PARP11: variants seen among roughly 807,000 people sequenced by gnomAD.
The protein encoded by PARP11 is protein mono-ADP-ribosyltransferase PARP11.
In PARP11, 31 loss-of-function variants were observed where a neutral mutation model predicts 42.9. The observed-to-expected ratio is 0.72, with a 90% CI of 0.54 to 0.98. The LOEUF is 0.98. Among genes scored for constraint, PARP11 ranks in the 50% least tolerant of loss-of-function variants. The probability of loss-of-function intolerance (pLI) is 0.00; values close to 1 mark genes in which losing one functional copy is unlikely to be tolerated. For missense variants in PARP11, 365 were observed against 413.1 expected, an observed-to-expected ratio of 0.88 and a Z score of 1.01; for synonymous variants, 137 against 127.3, an observed-to-expected ratio of 1.08 and a Z score of -0.51.
chr12:3,812,174 C>A lies in PARP11; in HGVS notation c.966G>T (p.Val322=). Reference sequence around the variant, plus strand: ...GATAGATTTGGTTGGCATCAAAAACCACAAAGATCTTTGGGTTCCAGGTAT... The same window carrying A: ...GATAGATTTGGTTGGCATCAAAAACAACAAAGATCTTTGGGTTCCAGGTAT... ...VDDTWNPKIF[V]VFDANQIYPE... The change falls in exon 8 of 8, where the codon GTG becomes GTT. Residue 322 remains valine, a synonymous_variant. Transcript: ENST00000228820. 6.2e-7 allele frequency: 1 copy of A among 1,613,782 alleles called. No homozygotes were observed. Among genetic ancestry groups the A allele is most frequent in the East Asian group, 2.2e-5 (1 of 44,836 alleles).
intron 1 of PARP11, among the ~76,000 whole-genome samples, chr12:3,860,134 G>A (rs1246781727): frequency 2.6e-5 from 4 of 152,156 alleles, no homozygotes; most frequent in Non-Finnish European, 5.9e-5. Flanking sequence ...TCTGTTCAGA[G>A]GACAACACTA....
intron 4 of PARP11, among the ~76,000 whole-genome samples, chr12:3,823,962 T>C (rs1346921916): frequency 1.3e-5 from 2 of 151,912 alleles, no homozygotes; most frequent in Non-Finnish European, 2.9e-5. Context: ...TCATCTGTCA[T>C]GTTACATGTC....
chr12:3,821,760 C>A, intron 6 of PARP11, 113 bp downstream of exon 6: 3 of 1,142,596 alleles, frequency 2.6e-6, no homozygotes, highest in South Asian at 1.4e-5. Flanking sequence ...CAAAATACGG[C>A]AAGAGAAAAA....
chr12:3,832,937 C>T (rs765729308), intron 1 of PARP11, among the ~76,000 whole-genome samples: 23 of 152,088 alleles, frequency 1.5e-4, no homozygotes, highest in Non-Finnish European at 3.2e-4. Context: ...AGAGCCTGTC[C>T]GTAATGTTAT....
At chr12:3,859,068 A>C (rs1296969213) in intron 1 of PARP11, among the ~76,000 whole-genome samples, 2 of 150,864 alleles carry the variant, frequency 1.3e-5, no homozygotes, top group African/African-American at 4.9e-5. Flanking sequence ...ATTGCACTCG[A>C]GCCTGGGCGA....
At chr12:3,830,707 A>G (rs568360638) in intron 1 of PARP11, among the ~76,000 whole-genome samples, 20 of 152,294 alleles carry the variant, frequency 1.3e-4, no homozygotes, top group African/African-American at 4.6e-4. Context: ...GACTACACAG[A>G]TGAAAATTCA....
chr12:3,817,008 G>A (rs1947302804), intron 6 of PARP11, among the ~76,000 whole-genome samples: 1 of 151,954 alleles, frequency 6.6e-6, no homozygotes, highest in Non-Finnish European at 1.5e-5. Flanking sequence ...TAGCTAACAT[G>A]GTGAAACCCT....
chr12:3,851,340 A>G (rs999244782), intron 1 of PARP11, among the ~76,000 whole-genome samples: 1 of 152,158 alleles, frequency 6.6e-6, no homozygotes, highest in Non-Finnish European at 1.5e-5. Context: ...GGATTGGGGG[A>G]TTTCCCTTTC....
At position 3,851,080 on chromosome 12, in the gene PARP11, A is replaced by C. The variant is rs542120893; in HGVS notation, c.19-21062T>G. ...TGATGAACTGAAAATTGAAAAGAAT[A>C]CTGAATACTCAACAGGCATGTTACA... On this transcript the variant is annotated intron_variant, in intron 1 of 7. Transcript: ENST00000228820. Among the ~76,000 whole-genome samples, 11 of 152,368 alleles carry C rather than the reference A, an allele frequency of 7.2e-5. No homozygotes were observed. The South Asian group carries it at 2.3e-3, about 32-fold the overall frequency.
At position 3,873,306 on chromosome 12, in the gene PARP11, T is replaced by G; in HGVS notation, c.-77A>C. 3 of 1,357,044 alleles carry G rather than the reference T, an allele frequency of 2.2e-6. No individual in the cohort carries two copies. In the Admixed American group the frequency reaches 6.1e-5, roughly 28 times the overall value. 84.1% of individuals were successfully genotyped at this position (1,357,044 alleles called of 1,614,324 possible). A position where few individuals can be genotyped will look rare whatever the true frequency, so the allele number is the denominator to read the frequency against. On this transcript the variant is annotated 5_prime_UTR_variant, in exon 1 of 8. Transcript: ENST00000228820. ...GGCCTGGGTGTTGGATTTTTTTTTT[T>G]CCCGCGGGTCCCCGGGAGCGAAGGG...
chr12:3,835,964 G>C (rs1324023116), intron 1 of PARP11, among the ~76,000 whole-genome samples: 1 of 151,762 alleles, frequency 6.6e-6, no homozygotes, highest in African/African-American at 2.4e-5. Context: ...GAGAGAAAAA[G>C]GCACAGGAAA....
At chr12:3,837,753 C>G (rs727703) in intron 1 of PARP11, among the ~76,000 whole-genome samples, 59,290 of 151,244 alleles carry the variant, frequency 0.39, 14,190 homozygotes, top group East Asian at 0.73. Flanking sequence ...AAAGTGAAGG[C>G]ATAAAGATGT....
At chr12:3,860,237 T>C (rs1208498003) in intron 1 of PARP11, among the ~76,000 whole-genome samples, 3 of 152,046 alleles carry the variant, frequency 2.0e-5, no homozygotes, top group East Asian at 1.9e-4. Context: ...AAATAGTAGA[T>C]GGGAAGAAAT....
At chr12:3,834,422 CA>C (rs1194051717) in intron 1 of PARP11, among the ~76,000 whole-genome samples, 1 of 151,982 alleles carries the variant, frequency 6.6e-6, no homozygotes, top group Admixed American at 6.6e-5. Context: ...CACCTGAGGC[CA>C]GGAGTTTGAG....
chr12:3,824,664 TG>T, intron 4 of PARP11: 1 of 982,276 alleles, frequency 1.0e-6, no homozygotes, highest in Non-Finnish European at 1.2e-6. Context: ...CTTTGTTCTA[TG>T]GTTTGTACAG....
chr12:3,813,713 C>A (rs777472005), intron 7 of PARP11, among the ~76,000 whole-genome samples: 1 of 152,202 alleles, frequency 6.6e-6, no homozygotes, highest in Non-Finnish European at 1.5e-5. Context: ...ACATCCCATA[C>A]CTTTTCCCCT....
chr12:3,812,000 C>A lies in PARP11; in HGVS notation c.*123G>T, dbSNP rs768260458. On this transcript the variant is annotated 3_prime_UTR_variant, in exon 8 of 8. Transcript: ENST00000228820. ...AGTATGTCTTTTTATATGGAGGCCA[C>A]TTTTTTTCATATCTGTTTCAAAAGT... 1.3e-6 allele frequency: 1 copy of A among 762,892 alleles called. No individual in the cohort carries two copies. The highest frequency in any genetic ancestry group is 3.1e-5 in the Admixed American group (1 of 32,684). The allele number at this position is 762,892 out of a possible 1,614,324, so 47.3% of individuals were successfully genotyped here. A position where few individuals can be genotyped will look rare whatever the true frequency, so the allele number is the denominator to read the frequency against.
Position 3,821,734 on chromosome 12 carries a change from AG to A in PARP11, c.548+138del, listed in dbSNP as rs1253775922. The A allele has an allele frequency of 5.2e-5, 43 of 828,706 alleles. No individual in the cohort carries two copies. The African/African-American group carries it at 6.6e-4, about 13-fold the overall frequency. 51.3% of individuals were successfully genotyped at this position (828,706 alleles called of 1,614,324 possible). ...CTTTCACTCCCTGAGAATGCTGAAG[AG>A]CCTTGAGACCAGGTCAAAATACGGC... On this transcript the variant is annotated intron_variant, in intron 6 of 7. Coordinates refer to ENST00000228820, the MANE Select transcript of PARP11 (RefSeq NM_020367.6).
intron 2 of PARP11, among the ~76,000 whole-genome samples, 155 bp downstream of exon 2, chr12:3,829,735 C>A (rs1947598372): frequency 6.6e-6 from 1 of 152,216 alleles, no homozygotes; most frequent in African/African-American, 2.4e-5. Flanking sequence ...AAAGGAAAAG[C>A]ACTGGAAGAA....
Sources: allele counts gnomAD v4.1 joint callset (sites outside exome capture counted in the v4.1 genomes callset), GRCh38; gene constraint gnomAD v4.1.1; transcripts MANE v1.5; gene names NCBI Gene and HGNC (gene_info 2026-07-23, HGNC 2026-07-21).